Variants in VWC2L observed in about 807,000 individuals in gnomAD.
VWC2L encodes the protein von Willebrand factor C domain containing 2 like, also known as von Willebrand factor C domain-containing protein 2-like.
Under a neutral mutation model 21.6 loss-of-function variants are expected in VWC2L, and 10 were observed. The observed-to-expected ratio is 0.46, with a 90% CI of 0.29 to 0.78. The LOEUF (loss-of-function observed/expected upper bound fraction) is 0.78. Ranked by LOEUF, VWC2L falls within the 30% of genes least tolerant of loss-of-function variation. The pLI, the probability that VWC2L is intolerant of heterozygous loss-of-function variation, is 0.10. For missense variants in VWC2L, 209 were observed against 277.1 expected (o/e 0.75, Z 1.74); for synonymous variants, 96 against 94.3 (o/e 1.02, Z -0.10).
chr2:214,505,826 G>A (rs1041310683), intron 3 of VWC2L, among the ~76,000 whole-genome samples: 3 of 152,132 alleles, frequency 2.0e-5, no homozygotes, highest in Non-Finnish European at 4.4e-5. Context: ...TGTTCCCATA[G>A]ATCCATATTC....
intron 3 of VWC2L, among the ~76,000 whole-genome samples, chr2:214,450,728 G>A (rs1702941111): frequency 1.3e-5 from 2 of 152,156 alleles, no homozygotes; most frequent in Admixed American, 1.3e-4. Context: ...GGTGCTGGGA[G>A]AGTGGGATGG....
intron 3 of VWC2L, among the ~76,000 whole-genome samples, chr2:214,474,685 C>T (rs1361347327): frequency 6.6e-6 from 1 of 152,092 alleles, no homozygotes; most frequent in Non-Finnish European, 1.5e-5. Context: ...CTTTTGTGAC[C>T]TTGAACCAGC....
intron 3 of VWC2L, among the ~76,000 whole-genome samples, chr2:214,490,577 C>G (rs1004812840): frequency 3.9e-5 from 6 of 152,054 alleles, no homozygotes; most frequent in Admixed American, 2.0e-4. Flanking sequence ...AGCTACTACT[C>G]AAAGTGATTA....
At chr2:214,510,829 G>A (rs1381074081) in intron 3 of VWC2L, among the ~76,000 whole-genome samples, 3 of 152,128 alleles carry the variant, frequency 2.0e-5, no homozygotes, top group Non-Finnish European at 4.4e-5. Flanking sequence ...CAGAATAAAG[G>A]CAACCCTGAA....
chr2:214,548,587 A>C (rs899075521), intron 3 of VWC2L, among the ~76,000 whole-genome samples: 3 of 152,228 alleles, frequency 2.0e-5, no homozygotes, highest in Non-Finnish European at 4.4e-5. Context: ...GTATACATAA[A>C]GCAGCTAAAG....
Position 214,576,822 on chromosome 2 carries a change from T to C in VWC2L, c.*1002T>C, listed in dbSNP as rs1000190409. ...CAGTTTTTGTGGTTCGGGACTGTGT[T>C]TGCCATGTTGTAGTAACAACCACTC... On this transcript the variant is annotated 3_prime_UTR_variant, in exon 4 of 4. Transcript: ENST00000312504. The C allele has an allele frequency of 6.6e-6, 1 of 152,156 alleles. No homozygotes were observed. The highest frequency in any genetic ancestry group is 2.4e-5 in the African/African-American group (1 of 41,418). The allele number at this position is 152,156 out of a possible 1,614,324, so 9.4% of individuals were successfully genotyped here.
intron 2 of VWC2L, among the ~76,000 whole-genome samples, chr2:214,422,475 T>G (rs572016425): frequency 1.2e-4 from 19 of 152,352 alleles, no homozygotes; most frequent in African/African-American, 4.3e-4. Flanking sequence ...CTGTGTTTTA[T>G]GAAGGACAGC....
chr2:214,496,830 G>A (rs913051228), intron 3 of VWC2L, among the ~76,000 whole-genome samples: 1 of 152,084 alleles, frequency 6.6e-6, no homozygotes, highest in African/African-American at 2.4e-5. Context: ...TAAAAACTTG[G>A]TGGTGATAAC....
chr2:214,531,172 T>C (rs1365721617), intron 3 of VWC2L, among the ~76,000 whole-genome samples: 1 of 152,170 alleles, frequency 6.6e-6, no homozygotes, highest in Non-Finnish European at 1.5e-5. Context: ...TTACAAATTT[T>C]GAGTTGAGTT....
At chr2:214,465,944 C>T (rs1176571269) in intron 3 of VWC2L, among the ~76,000 whole-genome samples, 1 of 152,152 alleles carries the variant, frequency 6.6e-6, no homozygotes, top group Non-Finnish European at 1.5e-5. Context: ...ACAATCGCTG[C>T]ACTCTCCCTC....
chr2:214,511,839 T>TAC (rs140020496), intron 3 of VWC2L, among the ~76,000 whole-genome samples: 41 of 147,478 alleles, frequency 2.8e-4, no homozygotes, highest in African/African-American at 1.0e-3. Flanking sequence ...TATATATATA[T>TAC]ACACTTTATA....
chr2:214,451,059 T>C (rs1369608255), intron 3 of VWC2L, among the ~76,000 whole-genome samples: 1 of 152,038 alleles, frequency 6.6e-6, no homozygotes, highest in East Asian at 1.9e-4. Context: ...TAATCAGTAG[T>C]TCCTAAAGCG....
In VWC2L at chr2:214,436,557, C is replaced by A; in HGVS notation, c.391-72C>A. On this transcript the variant is annotated intron_variant, in intron 2 of 3. Transcript: ENST00000312504. Reference sequence around the variant, plus strand: ...AATATAATAAGCACTGATGTTTTGTCTTCTGACAGCATATGAATGTGCAAG... The same window carrying A: ...AATATAATAAGCACTGATGTTTTGTATTCTGACAGCATATGAATGTGCAAG... 3 of 1,558,352 alleles carry A rather than the reference C, an allele frequency of 1.9e-6. No homozygotes were observed. The South Asian group carries it at 3.5e-5, about 18-fold the overall frequency.
At chr2:214,414,702 C>A in intron 2 of VWC2L, 119 bp downstream of exon 2, 1 of 1,117,964 alleles carries the variant, frequency 8.9e-7, no homozygotes, top group Non-Finnish European at 1.2e-6. Flanking sequence ...TTAAATTATA[C>A]AATTTGATTC....
intron 3 of VWC2L, among the ~76,000 whole-genome samples, chr2:214,500,960 T>C (rs1394490317): frequency 2.0e-5 from 3 of 152,168 alleles, no homozygotes; most frequent in Non-Finnish European, 4.4e-5. Context: ...TCTCATCAGG[T>C]TGTACTCTCT....
At chr2:214,524,242 T>C (rs76250127) in intron 3 of VWC2L, among the ~76,000 whole-genome samples, 29,273 of 152,148 alleles carry the variant, frequency 0.19, 3,477 homozygotes, top group East Asian at 0.27. Flanking sequence ...CCTCTCAGTT[T>C]TCTGTTTCTA....
intron 3 of VWC2L, among the ~76,000 whole-genome samples, chr2:214,473,471 T>C (rs1289098686): frequency 1.3e-5 from 2 of 152,166 alleles, no homozygotes; most frequent in African/African-American, 4.8e-5. Context: ...CACATTGAAG[T>C]TGAGATATCC....
chr2:214,564,703 G>A (rs1251580762), intron 3 of VWC2L, among the ~76,000 whole-genome samples: 3 of 152,068 alleles, frequency 2.0e-5, no homozygotes, highest in Admixed American at 6.6e-5. Context: ...TAGATTGTAA[G>A]GAAAGAAAGG....
At chr2:214,450,719 G>A (rs1702940975) in intron 3 of VWC2L, among the ~76,000 whole-genome samples, 2 of 152,160 alleles carry the variant, frequency 1.3e-5, no homozygotes, top group South Asian at 4.1e-4. Flanking sequence ...GGGGCAACAG[G>A]TGCTGGGAGA....
Sources: allele counts gnomAD v4.1 joint callset (sites outside exome capture counted in the v4.1 genomes callset), GRCh38; gene constraint gnomAD v4.1.1; transcripts MANE v1.5; gene names NCBI Gene and HGNC (gene_info 2026-07-23, HGNC 2026-07-21).